Variants in KIRREL3 observed in about 807,000 individuals in gnomAD.
KIRREL3 encodes kin of IRRE-like protein 3.
KIRREL3 carries 36 observed loss-of-function variants against 89.7 expected under a neutral mutation model. The ratio of observed to expected loss-of-function variants is 0.40; its 90% confidence interval spans 0.31 to 0.53. The LOEUF is 0.53. Ranked by LOEUF, KIRREL3 falls within the 20% of genes least tolerant of loss-of-function variation. The pLI, the probability that KIRREL3 is intolerant of heterozygous loss-of-function variation, is 0.49. For missense variants in KIRREL3, 864 were observed against 1,056.6 expected (o/e 0.82, Z 2.53); for synonymous variants, 445 against 441.4 (o/e 1.01, Z -0.10).
At position 126,909,777 on chromosome 11, in the gene KIRREL3, C is replaced by G. The variant is rs1487594157; in HGVS notation, c.55+90678G>C. Among the ~76,000 whole-genome samples, 1 of 152,154 alleles carries G rather than the reference C, an allele frequency of 6.6e-6. No homozygotes were observed. The highest frequency in any genetic ancestry group is 2.4e-5 in the African/African-American group (1 of 41,428). On this transcript the variant is annotated intron_variant, in intron 1 of 16. Transcript: ENST00000525144. This position sits in a 1 kb window ranked among gnomAD's most constrained non-coding sequence, Gnocchi z 4.5. ...TTCATGAAAACAGTTGTGCATGAGGCTGAAGCACCGCCATTATAAAAAACT... is the reference window on the plus strand; with the variant it reads ...TTCATGAAAACAGTTGTGCATGAGGGTGAAGCACCGCCATTATAAAAAACT...
chr11:126,758,482 G>T (rs184255037), intron 1 of KIRREL3, among the ~76,000 whole-genome samples: 1 of 152,332 alleles, frequency 6.6e-6, no homozygotes, highest in Admixed American at 6.5e-5. Flanking sequence ...CCAGGGTATG[G>T]CTTGTATACC....
intron 1 of KIRREL3, among the ~76,000 whole-genome samples, chr11:126,871,411 C>T (rs1381588796): frequency 6.6e-6 from 1 of 152,186 alleles, no homozygotes; most frequent in African/African-American, 2.4e-5. Flanking sequence ...GTCACTTACC[C>T]TCTCTGAATC....
In KIRREL3 at chr11:126,719,487, A is replaced by G. The variant is rs1948089512; in HGVS notation, c.56-156575T>C. Among the ~76,000 whole-genome samples the G allele has an allele frequency of 6.6e-6, 1 of 152,166 alleles. No individual in the cohort carries two copies. The highest frequency in any genetic ancestry group is 1.5e-5 in the Non-Finnish European group (1 of 68,034). On this transcript the variant is annotated intron_variant, in intron 1 of 16. Coordinates refer to ENST00000525144, the MANE Select transcript of KIRREL3 (RefSeq NM_032531.4). This position sits in a 1 kb window ranked among gnomAD's most constrained non-coding sequence, Gnocchi z 4.7. ...TGCCTAGGTGATCTTACTTAGTCCC[A>G]TGGCTTTCATTCCACCCGCATGCTG...
In KIRREL3 at chr11:126,981,536, G is replaced by A. The variant is rs1949717390; in HGVS notation, c.55+18919C>T. On this transcript the variant is annotated intron_variant, in intron 1 of 16. Transcript: ENST00000525144. The surrounding 1 kb of genome is among the most constrained non-coding windows in gnomAD (Gnocchi z 4.2). ...CACATGGTCCCTGTTTCACTGAAAT[G>A]AGATCTGCCTCTACCACCCGACTCT... 6.6e-6 allele frequency among the ~76,000 whole-genome samples: 1 copy of A among 152,220 alleles called. No homozygotes were observed. The highest frequency in any genetic ancestry group is 2.1e-4 in the South Asian group (1 of 4,834).
In KIRREL3 at chr11:126,879,999, A is replaced by T. The variant is rs1945434523; in HGVS notation, c.55+120456T>A. On this transcript the variant is annotated intron_variant, in intron 1 of 16. Transcript: ENST00000525144. This position sits in a 1 kb window ranked among gnomAD's most constrained non-coding sequence, Gnocchi z 5.4. ...CTATGGAAATTCCTTGAGATAGAAA[A>T]GCTAAAGGCATGAGGTATTGTGAAA... Among the ~76,000 whole-genome samples the T allele has an allele frequency of 6.6e-6, 1 of 152,226 alleles. No homozygotes were observed. Among genetic ancestry groups the T allele is most frequent in the Admixed American group, 6.5e-5 (1 of 15,284 alleles).
chr11:126,473,481 GC>G lies in KIRREL3; in HGVS notation c.434-16del. On this transcript the variant is annotated splice_polypyrimidine_tract_variant and intron_variant, in intron 4 of 16. Transcript: ENST00000525144. ...ATCAGGCGGCACTGCGGGGAGAGAA[GC>G]AGTGAGGTCAGGCCGAGGCTCCCAC... The G allele has an allele frequency of 6.5e-7, 1 of 1,535,570 alleles. No individual in the cohort carries two copies. Among genetic ancestry groups the G allele is most frequent in the Non-Finnish European group, 8.9e-7 (1 of 1,127,004 alleles).
intron 1 of KIRREL3, among the ~76,000 whole-genome samples, chr11:126,873,639 G>T (rs1945179430): frequency 6.6e-6 from 1 of 152,144 alleles, no homozygotes; most frequent in Admixed American, 6.5e-5. Flanking sequence ...TAAAAGCTGA[G>T]GAGAAGAGTG....
chr11:126,481,290 C>T (rs59539128), intron 4 of KIRREL3, among the ~76,000 whole-genome samples: 2 of 152,152 alleles, frequency 1.3e-5, no homozygotes, highest in African/African-American at 2.4e-5. Context: ...CTTCCCACCC[C>T]TTAAATGCTG....
upstream of KIRREL3, among the ~76,000 whole-genome samples, chr11:127,002,121 T>C (rs565661108): frequency 6.6e-6 from 1 of 152,168 alleles, no homozygotes; most frequent in South Asian, 2.1e-4. Context: ...ATGTTAACTT[T>C]AAAAAATTAT....
rs530907414 is a variant in KIRREL3 at position 126,461,316 on chromosome 11, C to G, written c.742+1841G>C. 2.2e-3 allele frequency among the ~76,000 whole-genome samples: 339 copies of G among 152,362 alleles called. 2 individuals are homozygous for G. Among genetic ancestry groups the G allele is most frequent in the African/African-American group, 7.7e-3 (321 of 41,590 alleles). On this transcript the variant is annotated intron_variant, in intron 6 of 16. Transcript: ENST00000525144. The stretch of plus-strand genomic sequence containing the variant: ...TCAGACCCAGGACCCAGGCCAGGGC[C>G]AGGGCCAGTGAGGGGGAAGAGCCGA...
Position 126,566,819 on chromosome 11 carries a change from C to A in KIRREL3, c.56-3907G>T, listed in dbSNP as rs562076565. ...TATTTTTTAATGACGCTGTCATATT[C>A]CCTTTCTCTTTAGATGCTCACAGTA... is the stretch of plus-strand genomic sequence containing the variant. On this transcript the variant is annotated intron_variant, in intron 1 of 16. Coordinates refer to ENST00000525144, the MANE Select transcript of KIRREL3 (RefSeq NM_032531.4). This position sits in a 1 kb window ranked among gnomAD's most constrained non-coding sequence, Gnocchi z 4.9. 9.2e-5 allele frequency among the ~76,000 whole-genome samples: 14 copies of A among 152,234 alleles called. No individual in the cohort carries two copies. Among genetic ancestry groups the A allele is most frequent in the Admixed American group, 8.5e-4 (13 of 15,294 alleles).
Position 126,594,494 on chromosome 11 carries a change from T to A in KIRREL3, c.56-31582A>T, listed in dbSNP as rs751677741. Among the ~76,000 whole-genome samples, 1 of 152,184 alleles carries A rather than the reference T, an allele frequency of 6.6e-6. No individual in the cohort carries two copies. Among genetic ancestry groups the A allele is most frequent in the East Asian group, 1.9e-4 (1 of 5,192 alleles). On this transcript the variant is annotated intron_variant, in intron 1 of 16. Coordinates refer to ENST00000525144, the MANE Select transcript of KIRREL3 (RefSeq NM_032531.4). The surrounding 1 kb of genome is among the most constrained non-coding windows in gnomAD (Gnocchi z 5.0). ...TCAAATCTCAGCTCCTTCCACTTTTTTCGCTGTGTAACTTTAGAATTCCTT... is the reference window on the plus strand; with the variant it reads ...TCAAATCTCAGCTCCTTCCACTTTTATCGCTGTGTAACTTTAGAATTCCTT...
intron 2 of KIRREL3, among the ~76,000 whole-genome samples, chr11:126,559,721 G>A (rs1189883111): frequency 6.6e-6 from 1 of 151,968 alleles, no homozygotes; most frequent in Non-Finnish European, 1.5e-5. Flanking sequence ...TCAGGCTGGG[G>A]TGCAGTGGCA....
At chr11:126,589,452 C>A (rs1942034703) in intron 1 of KIRREL3, among the ~76,000 whole-genome samples, 1 of 152,224 alleles carries the variant, frequency 6.6e-6, no homozygotes, top group African/African-American at 2.4e-5. Context: ...GGCAGGGACT[C>A]AGGGCACCAT....
At position 126,668,713 on chromosome 11, in the gene KIRREL3, C is replaced by CT. The variant is rs1945786741; in HGVS notation, c.56-105802dup. ...TCTGTTTTTCTTTCTTTCTTTCTTT[C>CT]TTTCTTTCTTTCTTTCTTTCTTTCT... On this transcript the variant is annotated intron_variant, in intron 1 of 16. Coordinates refer to ENST00000525144, the MANE Select transcript of KIRREL3 (RefSeq NM_032531.4). The surrounding 1 kb of genome is among the most constrained non-coding windows in gnomAD (Gnocchi z 4.4). Among the ~76,000 whole-genome samples the CT allele has an allele frequency of 1.1e-5, 1 of 92,318 alleles. No individual in the cohort carries two copies. The highest frequency in any genetic ancestry group is 7.3e-4 in the South Asian group (1 of 1,370). The allele number at this position is 92,318 out of a possible 152,430, so 60.6% of individuals were successfully genotyped here.
At chr11:126,836,951 TC>T (rs1943802409) in intron 1 of KIRREL3, among the ~76,000 whole-genome samples, 1 of 152,042 alleles carries the variant, frequency 6.6e-6, no homozygotes, top group Non-Finnish European at 1.5e-5. Flanking sequence ...AATGGTTGGG[TC>T]AGTGTGGTCC....
In KIRREL3 at chr11:126,502,958, G is replaced by C. The variant is rs940196775; in HGVS notation, c.433+18357C>G. 3.3e-5 allele frequency among the ~76,000 whole-genome samples: 5 copies of C among 152,090 alleles called. No individual in the cohort carries two copies. The East Asian group carries it at 9.6e-4, about 29-fold the overall frequency. ...GAGCTGGTGTGCGGCTCAGATAATC[G>C]GCCAAGCTGATTTCTCCCTCATTGG... On this transcript the variant is annotated intron_variant, in intron 4 of 16. Transcript: ENST00000525144.
chr11:126,434,876 T>TGATGTGGA (rs1205977027), intron 13 of KIRREL3, among the ~76,000 whole-genome samples: 1 of 151,618 alleles, frequency 6.6e-6, no homozygotes, highest in Non-Finnish European at 1.5e-5. Flanking sequence ...AAGCTGGTGA[T>TGATGTGGA]GATGTGGAGA....
intron 1 of KIRREL3, among the ~76,000 whole-genome samples, chr11:126,887,701 G>A (rs936809828): frequency 6.6e-6 from 1 of 152,206 alleles, no homozygotes; most frequent in African/African-American, 2.4e-5. Flanking sequence ...TTAACTAAAT[G>A]TTGGAAATAG....
Sources: gnomAD v4.1 joint callset for allele counts (sites outside exome capture counted in the v4.1 genomes callset) on GRCh38, gnomAD v4.1.1 for gene constraint, Gnocchi (gnomAD v3.1) non-coding constraint, MANE v1.5 for transcripts, NCBI Gene and HGNC (gene_info 2026-07-23, HGNC 2026-07-21) for gene names.